Variants in TGFBRAP1 observed in about 807,000 individuals in gnomAD.
The protein encoded by TGFBRAP1 is transforming growth factor beta receptor associated protein 1.
TGFBRAP1 carries 20 observed loss-of-function variants against 83.2 expected under a neutral mutation model. The ratio of observed to expected loss-of-function variants is 0.24; its 90% CI spans 0.17 to 0.35. The LOEUF (loss-of-function observed/expected upper bound fraction) is 0.35. Ranked by LOEUF, TGFBRAP1 falls within the 10% of genes least tolerant of loss-of-function variation. TGFBRAP1 has a pLI of 1.00. For synonymous variants in TGFBRAP1, 415 were observed against 459.8 expected (o/e 0.90, Z 1.25); for missense variants, 950 against 1,099.4 (o/e 0.86, Z 1.92).
At chr2:105,260,779 A>T (rs1037469334), downstream of TGFBRAP1, among the ~76,000 whole-genome samples, 4 of 152,260 alleles carry the variant, frequency 2.6e-5, no homozygotes, top group Admixed American at 2.6e-4. Flanking sequence ...CAATAAAAAA[A>T]ATACTATGAA....
At position 105,272,948 on chromosome 2, in the gene TGFBRAP1, C is replaced by T. The variant is rs751497186; in HGVS notation, c.1879G>A (p.Ala627Thr). ...GTGGCCTCTGCACCCTTGCCACTGG[C>T]GGAGGCCCTCTGCAGCAGCACCTCT... ...LEEVLLQRAS[A>T]SGKGAEATET... The change falls in exon 10 of 12, where the codon GCC becomes ACC. Residue 627 changes from alanine (A) to threonine (T), a missense_variant. Ala to Thr is a moderately conservative substitution (Grantham distance 58). Coordinates refer to ENST00000393359, the MANE Select transcript of TGFBRAP1 (RefSeq NM_004257.6). 1.4e-5 allele frequency: 22 copies of T among 1,612,870 alleles called. 1 individual carries two copies. The highest frequency in any genetic ancestry group is 3.3e-5 in the South Asian group (3 of 91,072).
At position 105,273,626 on chromosome 2, in the gene TGFBRAP1, T is replaced by C. The variant is rs752111477; in HGVS notation, c.1730A>G (p.Asp577Gly). The change falls in exon 9 of 12, where the codon GAC (aspartate) becomes GGC (glycine). Residue 577 changes from aspartate (D) to glycine (G), a missense_variant. Asp to Gly is a moderately conservative substitution (Grantham distance 94, BLOSUM62 -1). Transcript: ENST00000393359. The stretch of plus-strand genomic sequence containing the variant: ...TTTTTTAAGGCAATTGATAATGTCG[T>C]CTGGATTAAAACTGTTCTTCTGCTG... ...DEQQKNSFNP[D>G]DIINCLKKYP... 10 of 1,614,230 alleles carry C rather than the reference T, an allele frequency of 6.2e-6. No homozygotes were observed. Among genetic ancestry groups the C allele is most frequent in the Non-Finnish European group, 8.5e-6 (10 of 1,180,046 alleles).
intron 6 of TGFBRAP1, 50 bp downstream of exon 6, chr2:105,280,332 T>C: frequency 6.4e-7 from 1 of 1,564,354 alleles, no homozygotes. Context: ...AGAGCCTCAG[T>C]AAGGGTGCAG....
At chr2:105,275,741 G>GA in intron 7 of TGFBRAP1, 38 bp from the exon 8 acceptor site, 1 of 1,572,848 alleles carries the variant, frequency 6.4e-7, no homozygotes, top group Non-Finnish European at 8.6e-7. Context: ...AAAAAGAAAA[G>GA]AAAAAACAAT....
At chr2:105,324,177 C>G (rs1679154150) in intron 1 of TGFBRAP1, 1 of 152,166 alleles carries the variant, frequency 6.6e-6, no homozygotes, top group Non-Finnish European at 1.5e-5. Flanking sequence ...GGTATACTAG[C>G]ACTAATTGAT....
At position 105,269,783 on chromosome 2, in the gene TGFBRAP1, T is replaced by C. The variant is rs535283754; in HGVS notation, c.1973-78A>G. 14 of 1,406,350 alleles carry C rather than the reference T, an allele frequency of 1.0e-5. No homozygotes were observed. The highest frequency in any genetic ancestry group is 2.9e-5 in the African/African-American group (2 of 69,400). The allele number at this position is 1,406,350 out of a possible 1,614,324, so 87.1% of individuals were successfully genotyped here. A position where few individuals can be genotyped will look rare whatever the true frequency, so the allele number is the denominator to read the frequency against. ...CCAGCGACTGGCCTCCTTGCTGCTC[T>C]GGGCTTCAGGAGGGGAAAAGTCAAC... On this transcript the variant is annotated intron_variant, in intron 10 of 11. Coordinates refer to ENST00000393359, the MANE Select transcript of TGFBRAP1 (RefSeq NM_004257.6). The surrounding 1 kb of genome is among the most constrained non-coding windows in gnomAD (Gnocchi z 4.1).
intron 1 of TGFBRAP1, among the ~76,000 whole-genome samples, chr2:105,326,476 G>A (rs567241770): frequency 2.0e-5 from 3 of 152,304 alleles, no homozygotes; most frequent in South Asian, 2.1e-4. Flanking sequence ...CCAGCACTTC[G>A]GGAGGCCGAG....
At chr2:105,305,979 C>T (rs886967554) in intron 2 of TGFBRAP1, among the ~76,000 whole-genome samples, 3 of 151,464 alleles carry the variant, frequency 2.0e-5, no homozygotes, top group Non-Finnish European at 1.5e-5. Flanking sequence ...GAATGAGGAG[C>T]AAAAACAATC....
chr2:105,327,062 C>G (rs1438003500), intron 1 of TGFBRAP1, among the ~76,000 whole-genome samples: 11 of 152,150 alleles, frequency 7.2e-5, no homozygotes, highest in African/African-American at 2.7e-4. Flanking sequence ...ATCCAAACAC[C>G]TGGCTGCCAC....
chr2:105,284,695 G>C (rs1445980199), intron 4 of TGFBRAP1, among the ~76,000 whole-genome samples: 1 of 152,038 alleles, frequency 6.6e-6, no homozygotes, highest in Non-Finnish European at 1.5e-5. Context: ...AACAACCCTG[G>C]TGTTTCTGGC....
chr2:105,302,426 C>T (rs1678330616), intron 2 of TGFBRAP1, among the ~76,000 whole-genome samples: 1 of 152,062 alleles, frequency 6.6e-6, no homozygotes, highest in Non-Finnish European at 1.5e-5. Flanking sequence ...CCCCAAATGT[C>T]CATCAATAGA....
chr2:105,314,999 A>C (rs1355442766), intron 1 of TGFBRAP1, among the ~76,000 whole-genome samples: 1 of 151,508 alleles, frequency 6.6e-6, no homozygotes, highest in Non-Finnish European at 1.5e-5. Flanking sequence ...TAAAATTATA[A>C]TTATTCACAG....
At chr2:105,299,265 A>T (rs1338830816) in intron 2 of TGFBRAP1, among the ~76,000 whole-genome samples, 1 of 152,210 alleles carries the variant, frequency 6.6e-6, no homozygotes, top group Non-Finnish European at 1.5e-5. Flanking sequence ...TGGGCGACAG[A>T]GTGAGAACCT....
chr2:105,295,368 T>C (rs543117853), intron 4 of TGFBRAP1, among the ~76,000 whole-genome samples: 4 of 152,172 alleles, frequency 2.6e-5, no homozygotes, highest in Non-Finnish European at 5.9e-5. Context: ...CACACATACA[T>C]AGCAATATTA....
At chr2:105,308,545 C>T (rs1296121118) in intron 1 of TGFBRAP1, among the ~76,000 whole-genome samples, 1 of 152,154 alleles carries the variant, frequency 6.6e-6, no homozygotes, top group Non-Finnish European at 1.5e-5. Context: ...CCCATATACA[C>T]ATATGTATGT....
intron 10 of TGFBRAP1, among the ~76,000 whole-genome samples, chr2:105,271,458 C>T (rs1009672603): frequency 1.3e-5 from 2 of 152,168 alleles, no homozygotes; most frequent in South Asian, 2.1e-4. Context: ...GATTGCACAG[C>T]GGATCGCCAC....
chr2:105,293,429 A>G (rs1028334642), intron 4 of TGFBRAP1, among the ~76,000 whole-genome samples: 5 of 152,208 alleles, frequency 3.3e-5, no homozygotes, highest in Admixed American at 6.5e-5. Context: ...CCACAGTCAA[A>G]CTTCTTGACA....
chr2:105,262,548 T>C (rs1293415530), downstream of TGFBRAP1, among the ~76,000 whole-genome samples: 3 of 152,186 alleles, frequency 2.0e-5, no homozygotes, highest in African/African-American at 4.8e-5. Context: ...CGAATATTTA[T>C]TGAGAGCAAT....
chr2:105,322,890 T>C (rs1038070402), intron 1 of TGFBRAP1, among the ~76,000 whole-genome samples: 2 of 152,150 alleles, frequency 1.3e-5, no homozygotes, highest in African/African-American at 2.4e-5. Context: ...AAAGTTGCCA[T>C]AGATCCTAAC....
Sources: allele counts gnomAD v4.1 joint callset (sites outside exome capture counted in the v4.1 genomes callset), GRCh38; gene constraint gnomAD v4.1.1; non-coding constraint Gnocchi (gnomAD v3.1); transcripts MANE v1.5; gene names NCBI Gene and HGNC (gene_info 2026-07-23, HGNC 2026-07-21).